The following KALRN variants were observed in gnomAD, a reference collection of about 807,000 sequenced individuals.
KALRN encodes the protein kalirin RhoGEF kinase.
A neutral mutation model predicts 353.7 loss-of-function variants in KALRN; 70 were observed. That is an observed-to-expected ratio of 0.20 (90% CI 0.16 to 0.24). The LOEUF (loss-of-function observed/expected upper bound fraction) is 0.24. KALRN is among the 10% of genes least tolerant of loss of function. The pLI is 1.00. For synonymous variants in KALRN, 1,391 were observed against 1,434.8 expected (o/e 0.97, Z 0.69); for missense variants, 2,791 against 3,756.7 (o/e 0.74, Z 6.72).
chr3:124,471,376 C>T (rs1380657582), intron 25 of KALRN, among the ~76,000 whole-genome samples: 1 of 151,598 alleles, frequency 6.6e-6, no homozygotes, highest in Non-Finnish European at 1.5e-5. Flanking sequence ...CCCTCCGCCT[C>T]CCAGGTTCAA....
chr3:124,504,011 G>A (rs1253219839), intron 33 of KALRN, among the ~76,000 whole-genome samples: 1 of 152,238 alleles, frequency 6.6e-6, no homozygotes, highest in Non-Finnish European at 1.5e-5. Flanking sequence ...ATAGCAGACA[G>A]TGAGTAGTTT....
At chr3:124,692,715 C>T (rs2061875646) in intron 51 of KALRN, among the ~76,000 whole-genome samples, 2 of 152,218 alleles carry the variant, frequency 1.3e-5, no homozygotes, top group African/African-American at 4.8e-5. Flanking sequence ...ACTTGATGTA[C>T]AAGATTTTAT....
intron 1 of KALRN, among the ~76,000 whole-genome samples, chr3:124,173,707 C>T (rs528012409): frequency 1.4e-4 from 22 of 152,242 alleles, no homozygotes; most frequent in African/African-American, 5.3e-4. Context: ...CCTCTGACTC[C>T]CTGGTTCAAG....
intron 1 of KALRN, chr3:124,094,935 A>G: frequency 6.3e-7 from 1 of 1,586,750 alleles, no homozygotes; most frequent in South Asian, 1.1e-5. Flanking sequence ...CTTGTATGAG[A>G]GACTGAGAGA....
chr3:124,400,756 A>T (rs1379738838), intron 13 of KALRN, among the ~76,000 whole-genome samples: 1 of 152,208 alleles, frequency 6.6e-6, no homozygotes, highest in Non-Finnish European at 1.5e-5. Flanking sequence ...AGCCCAAGGC[A>T]TTCCTGCAAT....
intron 33 of KALRN, among the ~76,000 whole-genome samples, chr3:124,543,592 C>T (rs548994038): frequency 3.1e-4 from 47 of 152,138 alleles, no homozygotes; most frequent in Non-Finnish European, 4.0e-4. Context: ...TGAGCCACCG[C>T]GCCCGGCCTT....
chr3:124,097,184 A>G (rs765468893), intron 1 of KALRN, among the ~76,000 whole-genome samples: 12 of 152,258 alleles, frequency 7.9e-5, no homozygotes, highest in Non-Finnish European at 1.6e-4. Flanking sequence ...CTTGTAACGA[A>G]TGTTACCTAA....
chr3:124,618,340 C>T (rs1039362879), intron 34 of KALRN, among the ~76,000 whole-genome samples: 2 of 151,486 alleles, frequency 1.3e-5, no homozygotes, highest in Non-Finnish European at 2.9e-5. Flanking sequence ...TGGTCTCGAT[C>T]TCTTGACTTC....
intron 10 of KALRN, among the ~76,000 whole-genome samples, chr3:124,356,083 C>T (rs920191256): frequency 4.6e-5 from 7 of 151,972 alleles, no homozygotes; most frequent in African/African-American, 1.7e-4. Flanking sequence ...ACTCTACTTT[C>T]CCCTCTGTTT....
intron 33 of KALRN, among the ~76,000 whole-genome samples, chr3:124,558,269 A>G (rs967230929): frequency 6.6e-6 from 1 of 152,066 alleles, no homozygotes. Context: ...TAATTCACTA[A>G]TACCGCCAGA....
chr3:124,618,438 AAG>A (rs2078897920), intron 34 of KALRN, among the ~76,000 whole-genome samples: 2 of 152,076 alleles, frequency 1.3e-5, no homozygotes, highest in African/African-American at 2.4e-5. Context: ...AGTGAATGAA[AAG>A]TCTGCTGGTA....
chr3:124,518,466 G>A (rs371037172), intron 33 of KALRN: 14 of 1,613,900 alleles, frequency 8.7e-6, no homozygotes, highest in Middle Eastern at 3.3e-4. Context: ...CGTTTAGCGC[G>A]CATCCTGGGA....
Position 124,496,004 on chromosome 3 carries a change from TATATATATACACAC to T in KALRN, c.4833-305_4833-292del, listed in dbSNP as rs1561137585. Among the ~76,000 whole-genome samples the T allele has an allele frequency of 1.6e-3, 80 of 49,476 alleles. 9 individuals are homozygous for T. Among genetic ancestry groups the T allele is most frequent in the South Asian group, 6.6e-3 (12 of 1,826 alleles). The allele number at this position is 49,476 out of a possible 152,430, so 32.5% of individuals were successfully genotyped here. On this transcript the variant is annotated intron_variant, in intron 32 of 59. Transcript: ENST00000682506. ...ATATATATATATATATATATATATA[TATATATATACACAC>T]ACATATATACATACATACACCCCCT...
At chr3:124,331,454 C>G (rs1209723784) in intron 8 of KALRN, among the ~76,000 whole-genome samples, 2 of 152,044 alleles carry the variant, frequency 1.3e-5, no homozygotes, top group Non-Finnish European at 2.9e-5. Context: ...AATCATTGTA[C>G]CCAACAAAAA....
At chr3:124,154,189 GA>G in intron 1 of KALRN, among the ~76,000 whole-genome samples, 1 of 152,124 alleles carries the variant, frequency 6.6e-6, no homozygotes. Flanking sequence ...CATTCCCTTT[GA>G]AAATTGGCAC....
intron 1 of KALRN, among the ~76,000 whole-genome samples, chr3:124,192,601 C>T (rs1207726886): frequency 5.3e-5 from 8 of 152,268 alleles, no homozygotes; most frequent in East Asian, 1.9e-4. Context: ...GCTTATTTCA[C>T]GTTACATGCC....
Position 124,694,516 on chromosome 3 carries a change from C to T in KALRN, c.7577+13C>T. The T allele has an allele frequency of 1.2e-6, 2 of 1,609,746 alleles. No individual in the cohort carries two copies. The highest frequency in any genetic ancestry group is 1.1e-5 in the South Asian group (1 of 90,816). On this transcript the variant is annotated intron_variant, in intron 53 of 59. Coordinates refer to ENST00000682506, the MANE Select transcript of KALRN (RefSeq NM_001388419.1). ...CGGTCTCCTCTTGGTAAGCCGATTG[C>T]CCTAACATCAGCAACAGCAGCCCCT...
intron 1 of KALRN, among the ~76,000 whole-genome samples, chr3:124,173,329 T>C (rs1412825363): frequency 1.3e-5 from 2 of 152,218 alleles, no homozygotes; most frequent in Non-Finnish European, 2.9e-5. Context: ...AGAGCCTATG[T>C]AGTGGCCTAT....
chr3:124,586,086 CTG>C (rs1042978050), intron 34 of KALRN, among the ~76,000 whole-genome samples: 29 of 152,304 alleles, frequency 1.9e-4, no homozygotes, highest in African/African-American at 6.3e-4. Flanking sequence ...GTCTCAATCT[CTG>C]TATTTAATTA....
Sources: gnomAD v4.1 joint callset for allele counts (sites outside exome capture counted in the v4.1 genomes callset) on GRCh38, gnomAD v4.1.1 for gene constraint, MANE v1.5 for transcripts, NCBI Gene and HGNC (gene_info 2026-07-23, HGNC 2026-07-21) for gene names.